The following PZP variants were observed in gnomAD, a reference collection of about 807,000 sequenced individuals.
PZP encodes the protein PZP alpha-2-macroglobulin like.
In PZP, 150 loss-of-function variants were observed where a neutral mutation model predicts 179.8. The ratio of observed to expected loss-of-function variants is 0.83; its 90% CI spans 0.73 to 0.96. The LOEUF is 0.96. Among genes scored for constraint, PZP ranks in the 40% least tolerant of loss-of-function variants. The probability of loss-of-function intolerance (pLI) is 0.00; values close to 1 mark genes in which losing one functional copy is unlikely to be tolerated. For synonymous variants in PZP, 624 were observed against 652.3 expected (o/e 0.96, Z 0.66); for missense variants, 1,689 against 1,764.0 (o/e 0.96, Z 0.76).
intron 15 of PZP, among the ~76,000 whole-genome samples, chr12:9,173,141 A>G (rs1248371340): frequency 6.6e-6 from 1 of 152,258 alleles, no homozygotes; most frequent in African/African-American, 2.4e-5. Context: ...CGACAGTGCA[A>G]TCAACTTAGA....
chr12:9,189,102 C>G (rs1943303440), intron 13 of PZP, among the ~76,000 whole-genome samples: 2 of 152,060 alleles, frequency 1.3e-5, no homozygotes, highest in African/African-American at 4.8e-5. Context: ...AATGTTTTTC[C>G]TATAAAACTA....
intron 28 of PZP, among the ~76,000 whole-genome samples, chr12:9,155,104 T>C (rs1209857197): frequency 6.6e-6 from 1 of 152,224 alleles, no homozygotes; most frequent in Non-Finnish European, 1.5e-5. Flanking sequence ...TTAGTTGGAC[T>C]GATGAAAGAG....
chr12:9,137,296 C>T, the PZP span, among the ~76,000 whole-genome samples: 2 of 152,008 alleles, frequency 1.3e-5, no homozygotes. Flanking sequence ...ATCCATTCCC[C>T]CTAGTGTATT....
intron 1 of PZP, among the ~76,000 whole-genome samples, chr12:9,205,508 C>T (rs1944402126): frequency 6.6e-6 from 1 of 152,140 alleles, no homozygotes; most frequent in Non-Finnish European, 1.5e-5. Flanking sequence ...ACATGAGATC[C>T]TCATCAGTCC....
In PZP at chr12:9,170,389, G is replaced by A. The variant is rs1279688541; in HGVS notation, c.1840-798C>T. Among the ~76,000 whole-genome samples, 2 of 152,178 alleles carry A rather than the reference G, an allele frequency of 1.3e-5. No homozygotes were observed. The highest frequency in any genetic ancestry group is 6.5e-5 in the Admixed American group (1 of 15,284). On this transcript the variant is annotated intron_variant, in intron 15 of 35. Coordinates refer to ENST00000261336, the MANE Select transcript of PZP (RefSeq NM_002864.3). The surrounding 1 kb of genome is among the most constrained non-coding windows in gnomAD (Gnocchi z 4.6). Reference sequence around the variant, plus strand: ...AGCTGCTCAGGCACACAGAAACCCTGGAGTTTTACATAATCCGGCCCTGGG... The same window carrying A: ...AGCTGCTCAGGCACACAGAAACCCTAGAGTTTTACATAATCCGGCCCTGGG...
intron 13 of PZP, among the ~76,000 whole-genome samples, chr12:9,190,615 A>G (rs1165193110): frequency 1.3e-5 from 2 of 152,162 alleles, no homozygotes; most frequent in Non-Finnish European, 2.9e-5. Context: ...AACCTGGGTA[A>G]CGAAATAATC....
chr12:9,195,938 T>C (rs1441458876), intron 10 of PZP, among the ~76,000 whole-genome samples: 1 of 152,078 alleles, frequency 6.6e-6, no homozygotes, highest in East Asian at 1.9e-4. Context: ...TATTTATTTA[T>C]GTCAGAAGAG....
At chr12:9,169,051 C>A in intron 16 of PZP, 77 bp from the exon 17 acceptor site, 1 of 1,040,224 alleles carries the variant, frequency 9.6e-7, no homozygotes, top group Non-Finnish European at 1.5e-6. Flanking sequence ...AGAGACTTCT[C>A]TATGTAATTC....
At chr12:9,155,959 G>A (rs926321022) in intron 28 of PZP, 1 of 162,272 alleles carries the variant, frequency 6.2e-6, no homozygotes. Flanking sequence ...GAGGCAGCAT[G>A]CCATATGGGT....
chr12:9,163,037 G>T (rs745491392), intron 21 of PZP, among the ~76,000 whole-genome samples: 1 of 152,070 alleles, frequency 6.6e-6, no homozygotes, highest in South Asian at 2.1e-4. Flanking sequence ...CATCCTACTT[G>T]TTATTGAATT....
intron 4 of PZP, 61 bp from the exon 5 acceptor site, chr12:9,201,408 A>T: frequency 1.4e-5 from 19 of 1,337,090 alleles, no homozygotes; most frequent in Non-Finnish European, 2.0e-5. Context: ...ACAATTTCAG[A>T]CTTGTGATCA....
At chr12:9,152,591 A>G (rs138051638) in intron 31 of PZP, among the ~76,000 whole-genome samples, 6 of 152,182 alleles carry the variant, frequency 3.9e-5, no homozygotes, top group Non-Finnish European at 7.3e-5. Context: ...TAACATATCT[A>G]TGGTTTTTGC....
chr12:9,164,132 C>A lies in PZP; in HGVS notation c.2614+1G>T. The A allele has an allele frequency of 6.2e-7, 1 of 1,610,682 alleles. No homozygotes were observed. The highest frequency in any genetic ancestry group is 8.5e-7 in the Non-Finnish European group (1 of 1,177,154). ...AGGCCCTTTTGGGTACTGTCACTCA[C>A]CCAGAGTTTTAGGAGTCACTGTCCA... On this transcript the variant is annotated splice_donor_variant, in intron 20 of 35. Coordinates refer to ENST00000261336, the MANE Select transcript of PZP (RefSeq NM_002864.3). LOFTEE classifies it high-confidence loss of function.
intron 17 of PZP, 71 bp from the exon 18 acceptor site, chr12:9,166,273 A>T: frequency 6.6e-7 from 1 of 1,506,086 alleles, no homozygotes; most frequent in Non-Finnish European, 9.0e-7. Flanking sequence ...GTGAGACGTT[A>T]GAGAACAAAA....
In PZP at chr12:9,160,612, A is replaced by G. The variant is rs749346510; in HGVS notation, c.2873-122T>C. ...TAGGTAAGAGAAAAGTTATATACAC[A>G]GAGTGTGACTTCCAGAATCCTAATA... On this transcript the variant is annotated intron_variant, in intron 23 of 35. Transcript: ENST00000261336. The G allele has an allele frequency of 2.5e-5, 22 of 866,980 alleles. No homozygotes were observed. In the Admixed American group the frequency reaches 4.4e-4, roughly 17 times the overall value. The allele number at this position is 866,980 out of a possible 1,614,324, so 53.7% of individuals were successfully genotyped here.
At chr12:9,162,532 G>T in intron 22 of PZP, 65 bp downstream of exon 22, 1 of 1,117,274 alleles carries the variant, frequency 9.0e-7, no homozygotes, top group South Asian at 1.4e-5. Context: ...AATGTGCATT[G>T]TAACTTGAGG....
chr12:9,195,162 CA>C (rs1195640482), intron 10 of PZP, among the ~76,000 whole-genome samples: 1 of 151,900 alleles, frequency 6.6e-6, no homozygotes, highest in Non-Finnish European at 1.5e-5. Flanking sequence ...ATTGGATCTT[CA>C]AAAATTATTT....
chr12:9,206,841 A>G (rs1396165161), intron 1 of PZP, among the ~76,000 whole-genome samples: 1 of 152,158 alleles, frequency 6.6e-6, no homozygotes, highest in Non-Finnish European at 1.5e-5. Context: ...GTAGTGTAGG[A>G]ATGCATCCAG....
intron 2 of PZP, 141 bp from the exon 3 acceptor site, chr12:9,202,825 G>A: frequency 2.5e-6 from 2 of 795,186 alleles, no homozygotes; most frequent in Non-Finnish European, 3.9e-6. Context: ...ACATAAGAGT[G>A]ACGATATTAA....
Sources: allele counts gnomAD v4.1 joint callset (sites outside exome capture counted in the v4.1 genomes callset), GRCh38; gene constraint gnomAD v4.1.1; non-coding constraint Gnocchi (gnomAD v3.1); transcripts MANE v1.5; gene names NCBI Gene and HGNC (gene_info 2026-07-23, HGNC 2026-07-21).